The following CEP170 variants were observed in gnomAD, a reference collection of about 807,000 sequenced individuals.
CEP170 encodes centrosomal protein 170.
Under a neutral mutation model 151.9 loss-of-function variants are expected in CEP170, and 21 were observed. The observed-to-expected ratio is 0.14, with a 90% CI of 0.10 to 0.20. CEP170 has a LOEUF of 0.20. CEP170 is among the 10% of genes least tolerant of loss of function. The pLI, the probability that CEP170 is intolerant of heterozygous loss-of-function variation, is 1.00. For missense variants in CEP170, 964 were observed against 1,892.9 expected (o/e 0.51, Z 9.11); for synonymous variants, 356 against 648.8 (o/e 0.55, Z 6.86).
chr1:243,168,366 C>T (rs2058590501), intron 12 of CEP170: 1 of 151,904 alleles, frequency 6.6e-6, no homozygotes, highest in Non-Finnish European at 1.5e-5. Context: ...AGATAAAAGC[C>T]ACATACAAAA....
Position 243,164,591 on chromosome 1 carries a change from A to C in CEP170, c.3369T>G (p.Ser1123=), listed in dbSNP as rs1435115717. 2 of 1,613,634 alleles carry C rather than the reference A, an allele frequency of 1.2e-6. No individual in the cohort carries two copies. The highest frequency in any genetic ancestry group is 1.7e-6 in the Non-Finnish European group (2 of 1,179,732). The change falls in exon 13 of 20, where the codon TCT becomes TCG. Residue 1123 remains serine, a synonymous_variant. Coordinates refer to ENST00000366542, the MANE Select transcript of CEP170 (RefSeq NM_014812.3). ...DSELADADKA[S]VASEVSTTSS... ...TTGTTGTGGATACTTCAGAAGCAAC[A>C]GATGCTTTGTCAGCATCAGCAAGTT...
chr1:243,147,968 G>A (rs1317621524), intron 14 of CEP170, among the ~76,000 whole-genome samples: 2 of 151,816 alleles, frequency 1.3e-5, no homozygotes, highest in African/African-American at 4.8e-5. Flanking sequence ...ATCACTTGAG[G>A]TCAGGAGTTC....
chr1:243,233,237 T>C (rs2063918666), intron 1 of CEP170, among the ~76,000 whole-genome samples: 1 of 152,160 alleles, frequency 6.6e-6, no homozygotes, highest in Non-Finnish European at 1.5e-5. Flanking sequence ...TATCATTACA[T>C]TTACATTTAA....
Position 243,126,103 on chromosome 1 carries a change from G to T in CEP170, c.*346C>A. ...GAGACTTAGGGGTTCAGAAATGTTGGCTATTTAGTTTGCTTGTAGGTCACA... is the reference window on the plus strand; with the variant it reads ...GAGACTTAGGGGTTCAGAAATGTTGTCTATTTAGTTTGCTTGTAGGTCACA... On this transcript the variant is annotated 3_prime_UTR_variant, in exon 20 of 20. Coordinates refer to ENST00000366542, the MANE Select transcript of CEP170 (RefSeq NM_014812.3). 1 of 463,002 alleles carries T rather than the reference G, an allele frequency of 2.2e-6. No individual in the cohort carries two copies. 28.7% of individuals were successfully genotyped at this position (463,002 alleles called of 1,614,324 possible). A position where few individuals can be genotyped will look rare whatever the true frequency, so the allele number is the denominator to read the frequency against.
intron 3 of CEP170, among the ~76,000 whole-genome samples, chr1:243,217,987 C>G (rs1373925979): frequency 6.6e-6 from 1 of 152,208 alleles, no homozygotes; most frequent in Admixed American, 6.5e-5. Flanking sequence ...AAACCACTAA[C>G]CCCACAGAAG....
At position 243,152,521 on chromosome 1, in the gene CEP170, ATTTTTTTTTTT is replaced by A. The variant is rs371392454; in HGVS notation, c.3911+3689_3911+3699del. Among the ~76,000 whole-genome samples the A allele has an allele frequency of 1.1e-3, 62 of 54,952 alleles. 1 individual carries two copies. In the South Asian group the frequency reaches 0.011, roughly 10 times the overall value. 36.1% of individuals were successfully genotyped at this position (54,952 alleles called of 152,430 possible). A position where few individuals can be genotyped will look rare whatever the true frequency, so the allele number is the denominator to read the frequency against. On this transcript the variant is annotated intron_variant, in intron 14 of 19. Transcript: ENST00000366542. The stretch of plus-strand genomic sequence containing the variant: ...CAGGCGTGAGCCACCGCGCCCAGCC[ATTTTTTTTTTT>A]TTTTTTTTTTTTTTTTTGAGATAGA...
chr1:243,168,435 A>G (rs1337661521), intron 12 of CEP170: 1 of 151,970 alleles, frequency 6.6e-6, no homozygotes, highest in Non-Finnish European at 1.5e-5. Context: ...TTCAACTTGG[A>G]TAAGTTTTTT....
At chr1:243,232,768 T>C (rs982770475) in intron 1 of CEP170, among the ~76,000 whole-genome samples, 3 of 151,896 alleles carry the variant, frequency 2.0e-5, no homozygotes, top group Admixed American at 6.6e-5. Flanking sequence ...AAACCTAGGG[T>C]GTTACTAGAA....
At chr1:243,127,637 C>T (rs1423776588) in intron 19 of CEP170, among the ~76,000 whole-genome samples, 4 of 152,004 alleles carry the variant, frequency 2.6e-5, no homozygotes, top group South Asian at 2.1e-4. Context: ...TATGATTATT[C>T]GATAGATAAA....
chr1:243,245,850 C>A (rs12749004), intron 1 of CEP170, among the ~76,000 whole-genome samples: 1 of 151,506 alleles, frequency 6.6e-6, no homozygotes, highest in Admixed American at 6.6e-5. Flanking sequence ...GGAGACTGAG[C>A]GGAGAGGATC....
At chr1:243,191,661 G>C (rs1019855331) in intron 7 of CEP170, among the ~76,000 whole-genome samples, 167 bp from the exon 8 acceptor site, 3 of 151,982 alleles carry the variant, frequency 2.0e-5, no homozygotes, top group African/African-American at 7.3e-5. Flanking sequence ...AGAGAAGAAA[G>C]AATCTTGATT....
intron 10 of CEP170, among the ~76,000 whole-genome samples, chr1:243,178,902 T>C (rs1411429990): frequency 1.3e-5 from 2 of 152,088 alleles, no homozygotes; most frequent in East Asian, 1.9e-4. Flanking sequence ...GTATTTTTAG[T>C]AGAGAGGGGG....
chr1:243,161,562 T>C (rs61208654), intron 13 of CEP170, among the ~76,000 whole-genome samples: 3,110 of 152,262 alleles, frequency 0.02, 115 homozygotes, highest in African/African-American at 0.07. Context: ...CTTGAACTCC[T>C]GGGCTCAAGT....
At chr1:243,130,935 G>T (rs2148184296) in intron 17 of CEP170, among the ~76,000 whole-genome samples, 1 of 151,966 alleles carries the variant, frequency 6.6e-6, no homozygotes, top group South Asian at 2.1e-4. Flanking sequence ...GCAGCATTAG[G>T]ACTGATGGAA....
At chr1:243,168,486 T>C (rs1207035191) in intron 12 of CEP170, 1 of 151,992 alleles carries the variant, frequency 6.6e-6, no homozygotes, top group Non-Finnish European at 1.5e-5. Context: ...TTGTATATGT[T>C]TATGGTGTAT....
intron 3 of CEP170, among the ~76,000 whole-genome samples, chr1:243,216,724 T>C (rs935460769): frequency 6.6e-6 from 1 of 152,194 alleles, no homozygotes; most frequent in Non-Finnish European, 1.5e-5. Flanking sequence ...AGACTCTAGA[T>C]TATATCCTAG....
chr1:243,133,303 T>C (rs909389328), intron 17 of CEP170, among the ~76,000 whole-genome samples: 1 of 152,230 alleles, frequency 6.6e-6, no homozygotes, highest in Non-Finnish European at 1.5e-5. Context: ...TGTGAGGACA[T>C]CAAAAACAGT....
chr1:243,186,515 C>T, intron 8 of CEP170, 93 bp from the exon 9 acceptor site: 2 of 1,351,286 alleles, frequency 1.5e-6, no homozygotes, highest in East Asian at 2.5e-5. Flanking sequence ...TTTTGCTCCC[C>T]TCCTCCTTTT....
intron 10 of CEP170, among the ~76,000 whole-genome samples, chr1:243,180,024 G>A (rs1572079589): frequency 6.6e-6 from 1 of 152,298 alleles, no homozygotes; most frequent in East Asian, 1.9e-4. Context: ...AGAGATGGAT[G>A]GCGGTGATGG....
Sources: gnomAD v4.1 joint callset for allele counts (sites outside exome capture counted in the v4.1 genomes callset) on GRCh38, gnomAD v4.1.1 for gene constraint, MANE v1.5 for transcripts, NCBI Gene and HGNC (gene_info 2026-07-23, HGNC 2026-07-21) for gene names.